Variants in SENP7 observed in about 807,000 individuals in gnomAD.
SENP7 encodes the protein sentrin-specific protease 7.
In SENP7, 64 loss-of-function variants were observed where a neutral mutation model predicts 141.2. The ratio of observed to expected loss-of-function variants is 0.45; its 90% CI spans 0.37 to 0.56. The LOEUF (loss-of-function observed/expected upper bound fraction) is 0.56. SENP7 is among the 20% of genes least tolerant of loss of function. The probability of loss-of-function intolerance (pLI) is 0.00; values close to 1 mark genes in which losing one functional copy is unlikely to be tolerated. For missense variants in SENP7, 1,025 were observed against 1,212.2 expected (o/e 0.85, Z 2.29); for synonymous variants, 382 against 426.4 (o/e 0.90, Z 1.28).
intron 4 of SENP7, among the ~76,000 whole-genome samples, chr3:101,452,806 C>A (rs1397827053): frequency 1.3e-5 from 2 of 152,142 alleles, no homozygotes; most frequent in Non-Finnish European, 2.9e-5. Flanking sequence ...TAGGCATGGG[C>A]AAGGACTTCA....
chr3:101,350,354 T>G (rs1321154764), intron 12 of SENP7, among the ~76,000 whole-genome samples: 1 of 152,126 alleles, frequency 6.6e-6, no homozygotes, highest in African/African-American at 2.4e-5. Flanking sequence ...ATAAATCAAT[T>G]TTTCCCCAGC....
intron 19 of SENP7, 142 bp from the exon 20 acceptor site, chr3:101,330,528 A>C (rs1207752996): frequency 2.0e-6 from 1 of 500,080 alleles, no homozygotes; most frequent in Non-Finnish European, 3.5e-6. Flanking sequence ...TTCATGATTA[A>C]TGTTATGAAT....
Position 101,340,071 on chromosome 3 carries a change from A to T in SENP7, c.2357+24T>A, listed in dbSNP as rs375532337. On this transcript the variant is annotated intron_variant, in intron 16 of 23. Transcript: ENST00000394095. ...TCTCAGTAAAATCTGTAAAATATGT[A>T]GGATCATTTATCATTGTACTTACTT... The T allele has an allele frequency of 7.4e-5, 113 of 1,536,276 alleles. 1 individual carries two copies. The highest frequency in any genetic ancestry group is 3.9e-4 in the Middle Eastern group (2 of 5,084).
intron 3 of SENP7, 67 bp from the exon 4 acceptor site, chr3:101,459,119 CT>C: frequency 2.3e-6 from 2 of 869,022 alleles, no homozygotes; most frequent in Admixed American, 2.5e-5. Context: ...TTAAACTGTT[CT>C]TTTTTATTTG....
chr3:101,373,030 G>A (rs114318835), intron 6 of SENP7, among the ~76,000 whole-genome samples: 106 of 151,878 alleles, frequency 7.0e-4, no homozygotes, highest in Non-Finnish European at 4.7e-4. Context: ...CCAATTACAC[G>A]TAATGCTTCC....
chr3:101,430,819 G>A (rs1369202512), intron 4 of SENP7, among the ~76,000 whole-genome samples: 4 of 152,126 alleles, frequency 2.6e-5, no homozygotes, highest in Non-Finnish European at 5.9e-5. Flanking sequence ...TTGACATTTA[G>A]TGCTATAAAT....
chr3:101,357,704 G>A (rs760944401), intron 11 of SENP7: 16 of 700,438 alleles, frequency 2.3e-5, no homozygotes, highest in Non-Finnish European at 4.1e-5. Context: ...ATATGTGAAA[G>A]TCTCTCATAA....
intron 4 of SENP7, among the ~76,000 whole-genome samples, chr3:101,427,092 C>T (rs2061986078): frequency 6.6e-6 from 1 of 152,136 alleles, no homozygotes; most frequent in Non-Finnish European, 1.5e-5. Flanking sequence ...AAGTCCTCAA[C>T]AAAATACAGG....
chr3:101,361,722 C>A lies in SENP7; in HGVS notation c.1616G>T (p.Cys539Phe). Residue 539 changes from cysteine to phenylalanine, a missense_variant, in exon 11 of 24, where the codon TGT (cysteine) becomes TTT (phenylalanine). Cys to Phe is a radical substitution (Grantham distance 205). This residue lies in a region of SENP7 where 228 missense variants were observed against 228.5 expected (regional missense o/e 1.00). Coordinates refer to ENST00000394095, the MANE Select transcript of SENP7 (RefSeq NM_020654.5). ...IGKIKGASKG[C>F]VTITKKYIKI... ...TAAAGAAAATATACTTACTGTAACA[C>A]AACCTTTAGAAGCTCCTTTTATTTT... is the stretch of plus-strand genomic sequence containing the variant. 6.4e-7 allele frequency: 1 copy of A among 1,564,670 alleles called. No individual in the cohort carries two copies. Among genetic ancestry groups the A allele is most frequent in the South Asian group, 1.3e-5 (1 of 79,584 alleles).
At chr3:101,497,296 CAT>C (rs2065194363) in intron 2 of SENP7, among the ~76,000 whole-genome samples, 2 of 152,092 alleles carry the variant, frequency 1.3e-5, no homozygotes, top group Admixed American at 1.3e-4. Flanking sequence ...TATGTGTGAA[CAT>C]ATATTTTTCT....
At chr3:101,341,588 C>A in intron 15 of SENP7, 58 bp downstream of exon 15, 1 of 1,341,106 alleles carries the variant, frequency 7.5e-7, no homozygotes, top group Non-Finnish European at 9.8e-7. Flanking sequence ...AAAGCAGCAA[C>A]ATGAATAAAA....
intron 20 of SENP7, 58 bp downstream of exon 20, chr3:101,330,276 A>G: frequency 7.8e-7 from 1 of 1,282,084 alleles, no homozygotes; most frequent in Non-Finnish European, 1.1e-6. Context: ...TATTTTACAG[A>G]TAACATTATT....
In SENP7 at chr3:101,478,647, T is replaced by C. The variant is rs1476227938; in HGVS notation, c.186+15226A>G. ...AGAAGAATACCAAATCTTCTGAAAC[T>C]ATTCCAAACAATAGAAGATGATGGA... is the stretch of plus-strand genomic sequence containing the variant. On this transcript the variant is annotated intron_variant, in intron 3 of 23. Transcript: ENST00000394095. 3.9e-5 allele frequency among the ~76,000 whole-genome samples: 6 copies of C among 152,210 alleles called. No homozygotes were observed. The East Asian group carries it at 1.2e-3, about 29-fold the overall frequency.
At chr3:101,428,716 T>A (rs968440897) in intron 4 of SENP7, among the ~76,000 whole-genome samples, 1 of 152,204 alleles carries the variant, frequency 6.6e-6, no homozygotes, top group African/African-American at 2.4e-5. Context: ...ATTTGTCAAT[T>A]TTGGCTTTTG....
At chr3:101,365,065 C>T in intron 9 of SENP7, 74 bp from the exon 10 acceptor site, 1 of 1,021,552 alleles carries the variant, frequency 9.8e-7, no homozygotes, top group South Asian at 2.7e-5. Flanking sequence ...CACAGTCTCC[C>T]CATCTCGGCT....
intron 4 of SENP7, among the ~76,000 whole-genome samples, chr3:101,447,160 C>G (rs1219647996): frequency 6.6e-6 from 1 of 152,100 alleles, no homozygotes; most frequent in African/African-American, 2.4e-5. Flanking sequence ...ATGAAGAGAA[C>G]AATTCCAGGC....
chr3:101,478,485 ACTGTACTACAGC>A (rs2064314258), intron 3 of SENP7, among the ~76,000 whole-genome samples: 1 of 152,152 alleles, frequency 6.6e-6, no homozygotes, highest in Non-Finnish European at 1.5e-5. Flanking sequence ...TGATCATGCC[ACTGTACTACAGC>A]CTGGACAACA....
rs150926494 is a variant in SENP7, at chr3:101,464,399, T to C, written c.187-5347A>G. Among the ~76,000 whole-genome samples, 440 of 152,152 alleles carry C rather than the reference T, an allele frequency of 2.9e-3. 1 individual carries two copies. The highest frequency in any genetic ancestry group is 9.4e-3 in the African/African-American group (390 of 41,516). ...TGAGCGGCAAGTGAGCAACTGAAAC[T>C]TCACCTGTATTTACAGCCACTCCCC... On this transcript the variant is annotated intron_variant, in intron 3 of 23. Transcript: ENST00000394095.
intron 6 of SENP7, among the ~76,000 whole-genome samples, chr3:101,379,062 A>G (rs190978060): frequency 6.6e-6 from 1 of 152,174 alleles, no homozygotes; most frequent in Non-Finnish European, 1.5e-5. Flanking sequence ...CAGAATAGAG[A>G]TCCCAGAAAT....
Sources: gnomAD v4.1 joint callset for allele counts (sites outside exome capture counted in the v4.1 genomes callset) on GRCh38, gnomAD v4.1.1 for gene constraint, gnomAD v4.1.1 regional missense constraint, MANE v1.5 for transcripts, NCBI Gene and HGNC (gene_info 2026-07-23, HGNC 2026-07-21) for gene names.